The following NBPF14 variants were observed in gnomAD, a reference collection of about 807,000 sequenced individuals.
NBPF14 encodes the protein NBPF family member NBPF14.
NBPF14 carries 104 observed loss-of-function variants against 91.2 expected under a neutral mutation model. The ratio of observed to expected loss-of-function variants is 1.14; its 90% CI spans 0.97 to 1.34. The LOEUF (loss-of-function observed/expected upper bound fraction) is 1.34, where lower values mean the gene tolerates loss of function less well. Ranked by LOEUF, NBPF14 falls within the 40% of genes most tolerant of loss-of-function variation. The pLI is 0.00. For missense variants in NBPF14, 908 were observed against 783.0 expected (o/e 1.16, Z -1.91); for synonymous variants, 294 against 303.8 (o/e 0.97, Z 0.34).
At chr1:148,578,115 A>C (rs1222566186) in intron 13 of NBPF14, 81 bp from the exon 14 acceptor site, 1 of 708,682 alleles carries the variant, frequency 1.4e-6, no homozygotes, top group Non-Finnish European at 2.5e-6. Context: ...ATCCTAACAC[A>C]GGGACATCAG....
At chr1:148,581,817 A>G (rs1189273868) in intron 12 of NBPF14, among the ~76,000 whole-genome samples, 1 of 150,370 alleles carries the variant, frequency 6.7e-6, no homozygotes, top group African/African-American at 2.5e-5. Context: ...AAATTCACAC[A>G]TAACAATATT....
intron 9 of NBPF14, among the ~76,000 whole-genome samples, chr1:148,585,983 C>T (rs1254893233): frequency 2.6e-5 from 4 of 151,424 alleles, no homozygotes; most frequent in Admixed American, 6.6e-5. Context: ...CCCATCGCAG[C>T]CTCCTTCCTG....
chr1:148,586,855 G>A (rs1485957203), intron 8 of NBPF14, among the ~76,000 whole-genome samples: 2 of 139,552 alleles, frequency 1.4e-5, no homozygotes, highest in Non-Finnish European at 3.2e-5. Flanking sequence ...ATGAGGCCAG[G>A]TGCAGATGGG....
chr1:148,533,794 G>C (rs1553331781), intron 70 of NBPF14, 67 bp downstream of exon 70: 9 of 765,236 alleles, frequency 1.2e-5, no homozygotes, highest in South Asian at 4.0e-5. Flanking sequence ...ACACACTCTG[G>C]TTTCCCTGAA....
rs1658240357 is a variant in NBPF14, at chr1:148,566,296, C to G, written c.3562G>C (p.Glu1188Gln). The change falls in exon 29 of 71, where the codon GAG becomes CAG. Residue 1188 changes from glutamate to glutamine, a missense_variant. Physicochemically the swap from Glu to Gln is conservative, Grantham distance 29. Transcript: ENST00000619423. ...TGCAAGACTTCAGGCTCTACTACCT[C>G]CAGCAGCTCCCTGCTGAGCCTGGAA... 8.7e-6 allele frequency: 6 copies of G among 688,852 alleles called. No homozygotes were observed. In the South Asian group the frequency reaches 9.2e-5, roughly 11 times the overall value. 42.7% of individuals were successfully genotyped at this position (688,852 alleles called of 1,614,324 possible). A position where few individuals can be genotyped will look rare whatever the true frequency, so the allele number is the denominator to read the frequency against.
chr1:148,571,301 C>T (rs1289322639), intron 22 of NBPF14, among the ~76,000 whole-genome samples: 1 of 83,082 alleles, frequency 1.2e-5, no homozygotes, highest in Non-Finnish European at 2.2e-5. Context: ...AGAACGAGCT[C>T]AGTGAATTGT....
At chr1:148,534,604 A>G in intron 69 of NBPF14, 80 bp downstream of exon 69, 2 of 902,348 alleles carry the variant, frequency 2.2e-6, no homozygotes, top group Non-Finnish European at 3.7e-6. Flanking sequence ...TCGGGTGAGT[A>G]AGGGCCACTT....
chr1:148,595,124 G>GA (rs2149591094), intron 2 of NBPF14, among the ~76,000 whole-genome samples: 1 of 144,196 alleles, frequency 6.9e-6, no homozygotes, highest in African/African-American at 2.5e-5. Flanking sequence ...CACTAGAACA[G>GA]AGCTTTGCCT....
chr1:148,565,790 A>C (rs1658156878), intron 29 of NBPF14, among the ~76,000 whole-genome samples: 1 of 14,376 alleles, frequency 7.0e-5, no homozygotes, highest in Non-Finnish European at 1.4e-4. Flanking sequence ...CAGATTGTTC[A>C]TGGTTGTGAG....
intron 69 of NBPF14, 25 bp downstream of exon 69, chr1:148,534,659 A>G: frequency 3.6e-6 from 3 of 838,204 alleles, no homozygotes; most frequent in South Asian, 2.7e-5. Flanking sequence ...GTGGAGGCTT[A>G]TCACCTTCAT....
chr1:148,577,624 T>A (rs1329507082), intron 14 of NBPF14, among the ~76,000 whole-genome samples: 1 of 147,700 alleles, frequency 6.8e-6, no homozygotes, highest in South Asian at 2.1e-4. Context: ...GGTGACACAC[T>A]GATGAGGGAG....
At position 148,559,410 on chromosome 1, in the gene NBPF14, T is replaced by G. The variant is rs1312836265; in HGVS notation, c.4730-338A>C. 1.7e-4 allele frequency among the ~76,000 whole-genome samples: 23 copies of G among 134,214 alleles called. 1 individual carries two copies. Among genetic ancestry groups the G allele is most frequent in the Non-Finnish European group, 2.7e-4 (18 of 66,992 alleles). The allele number at this position is 134,214 out of a possible 152,430, so 88.0% of individuals were successfully genotyped here. On this transcript the variant is annotated intron_variant, in intron 37 of 70. Coordinates refer to ENST00000619423, the Ensembl canonical transcript of NBPF14. ...GAGAAAAACTGCACTATTCACCCTG[T>G]CTCATCAAATACTCAGATTGTTCAT...
chr1:148,561,818 C>CAGAGAGTG (rs1657830448), intron 34 of NBPF14, among the ~76,000 whole-genome samples: 1 of 128,732 alleles, frequency 7.8e-6, no homozygotes. Flanking sequence ...CACACACACA[C>CAGAGAGTG]AGAGAGAGAG....
At chr1:148,579,726 A>G (rs1434323443) in intron 12 of NBPF14, among the ~76,000 whole-genome samples, 1 of 152,018 alleles carries the variant, frequency 6.6e-6, no homozygotes, top group African/African-American at 2.4e-5. Flanking sequence ...ACCAACAAAT[A>G]GGAAGAAAGC....
chr1:148,557,666 G>T (rs1656903910), intron 39 of NBPF14, 124 bp from the exon 40 acceptor site: 5 of 613,508 alleles, frequency 8.1e-6, no homozygotes, highest in Non-Finnish European at 1.1e-5. Context: ...CCATGTGAGA[G>T]ATATACTTCA....
At chr1:148,536,672 CA>C (rs1655263764) in intron 66 of NBPF14, among the ~76,000 whole-genome samples, 1 of 75,340 alleles carries the variant, frequency 1.3e-5, no homozygotes, top group Non-Finnish European at 2.3e-5. Flanking sequence ...GTAAGGGAGT[CA>C]AAGGACACTC....
In NBPF14 at chr1:148,559,882, C is replaced by A. The variant is rs1299306208; in HGVS notation, c.4640G>T (p.Cys1547Phe). 159 of 1,365,062 alleles carry A rather than the reference C, an allele frequency of 1.2e-4. 17 individuals carry two copies. The highest frequency in any genetic ancestry group is 1.0e-3 in the Middle Eastern group (4 of 3,966). The allele number at this position is 1,365,062 out of a possible 1,614,324, so 84.6% of individuals were successfully genotyped here. A position where few individuals can be genotyped will look rare whatever the true frequency, so the allele number is the denominator to read the frequency against. ...CTGGCATGAGTCAGTCAGTTCAAGA[C>A]AACCTGAAGGAGTTGAATAACATCT... The change falls in exon 37 of 71, where the codon TGT becomes TTT. Residue 1547 changes from cysteine (C) to phenylalanine (F), a missense_variant. Cys to Phe is a radical substitution (Grantham distance 205). Coordinates refer to ENST00000619423, the Ensembl canonical transcript of NBPF14.
intron 67 of NBPF14, 50 bp downstream of exon 67, chr1:148,536,174 T>TTATATGG (rs1655188423): frequency 1.9e-6 from 1 of 538,492 alleles, no homozygotes; most frequent in Non-Finnish European, 3.4e-6. Context: ...AATATGACCC[T>TTATATGG]AACCAGAAGA....
At chr1:148,575,707 C>T in exon 17 of NBPF14, 2 of 218,554 alleles carry the variant, frequency 9.2e-6, no homozygotes, top group Non-Finnish European at 8.1e-6. Context: ...GTAGGGCTGG[C>T]CTAAGTCAGG....
Sources: gnomAD v4.1 joint callset for allele counts (sites outside exome capture counted in the v4.1 genomes callset) on GRCh38, gnomAD v4.1.1 for gene constraint, MANE v1.5 for transcripts, NCBI Gene and HGNC (gene_info 2026-07-23, HGNC 2026-07-21) for gene names.